Variants in THSD7B observed in about 807,000 individuals in gnomAD.
THSD7B encodes thrombospondin type-1 domain-containing protein 7B.
In THSD7B, 138 loss-of-function variants were observed where a neutral mutation model predicts 213.6. The ratio of observed to expected loss-of-function variants is 0.65; its 90% CI spans 0.56 to 0.74. The LOEUF (loss-of-function observed/expected upper bound fraction) is 0.74. Ranked by LOEUF, THSD7B falls within the 30% of genes least tolerant of loss-of-function variation. The pLI is 0.00. For missense variants in THSD7B, 1,931 were observed against 1,991.5 expected (o/e 0.97, Z 0.58); for synonymous variants, 742 against 687.0 (o/e 1.08, Z -1.25).
chr2:137,616,801 C>T (rs574237757), intron 18 of THSD7B, among the ~76,000 whole-genome samples: 4 of 152,274 alleles, frequency 2.6e-5, no homozygotes, highest in Non-Finnish European at 5.9e-5. Context: ...AGTTAAATCA[C>T]TCTAGCTGTT....
chr2:137,408,597 A>G (rs1686581182), intron 13 of THSD7B, among the ~76,000 whole-genome samples: 1 of 152,194 alleles, frequency 6.6e-6, no homozygotes, highest in African/African-American at 2.4e-5. Context: ...AATTACCACA[A>G]CATTGCTGGC....
intron 2 of THSD7B, among the ~76,000 whole-genome samples, chr2:137,055,531 C>A (rs1246724425): frequency 6.6e-6 from 1 of 152,182 alleles, no homozygotes; most frequent in East Asian, 1.9e-4. Flanking sequence ...ATAAGGCCTG[C>A]TGGTATGTCT....
At chr2:137,131,599 G>A (rs1688734008) in intron 5 of THSD7B, among the ~76,000 whole-genome samples, 1 of 152,080 alleles carries the variant, frequency 6.6e-6, no homozygotes, top group South Asian at 2.1e-4. Context: ...TCTACATATG[G>A]CTAGCCAGTT....
At chr2:137,521,518 C>A (rs1205373566) in intron 15 of THSD7B, among the ~76,000 whole-genome samples, 1 of 152,164 alleles carries the variant, frequency 6.6e-6, no homozygotes, top group Non-Finnish European at 1.5e-5. Context: ...TCTCATTGGA[C>A]CCTTTCTCTT....
chr2:137,237,767 T>C (rs1373271219), intron 9 of THSD7B, among the ~76,000 whole-genome samples: 1 of 152,220 alleles, frequency 6.6e-6, no homozygotes, highest in East Asian at 1.9e-4. Context: ...AATGTGACGA[T>C]GCATGAAAGG....
At chr2:137,003,419 A>G (rs1001398344) in intron 2 of THSD7B, among the ~76,000 whole-genome samples, 1 of 152,192 alleles carries the variant, frequency 6.6e-6, no homozygotes, top group Non-Finnish European at 1.5e-5. Context: ...AGGATTATGG[A>G]GATAAGAGGG....
intron 3 of THSD7B, among the ~76,000 whole-genome samples, chr2:137,080,381 T>G (rs375654084): frequency 0.085 from 12,560 of 147,378 alleles, 643 homozygotes; most frequent in East Asian, 0.17. Flanking sequence ...TTTTTTTTTT[T>G]TTTTTTTTTT....
intron 8 of THSD7B, among the ~76,000 whole-genome samples, chr2:137,232,143 C>G (rs16838412): frequency 0.016 from 2,416 of 152,130 alleles, 64 homozygotes; most frequent in African/African-American, 0.055. Flanking sequence ...CTGAATAAAC[C>G]ATTAAAGTGT....
At chr2:137,166,374 C>T (rs1680129283) in intron 6 of THSD7B, among the ~76,000 whole-genome samples, 1 of 152,102 alleles carries the variant, frequency 6.6e-6, no homozygotes, top group African/African-American at 2.4e-5. Context: ...AGATGTGATA[C>T]ATTTTAAAAT....
chr2:137,132,403 G>T (rs1688754046), intron 5 of THSD7B, among the ~76,000 whole-genome samples: 1 of 151,664 alleles, frequency 6.6e-6, no homozygotes, highest in Admixed American at 6.6e-5. Flanking sequence ...GTAAAGATTT[G>T]ATTTCGGGAA....
rs534226317 is a variant in THSD7B at position 137,314,299 on chromosome 2, C to T, written c.2500+38273C>T. ...TACCCTGTCTTCCAGTTGATCACAT[C>T]GGCTCCTGAGGCTTCTGCATTCTTC... On this transcript the variant is annotated intron_variant, in intron 12 of 27. Transcript: ENST00000409968. 1.1e-3 allele frequency among the ~76,000 whole-genome samples: 165 copies of T among 152,310 alleles called. 1 individual carries two copies. Among genetic ancestry groups the T allele is most frequent in the Admixed American group, 1.8e-3 (28 of 15,294 alleles).
intron 12 of THSD7B, among the ~76,000 whole-genome samples, chr2:137,378,636 T>C (rs1685712642): frequency 6.6e-6 from 1 of 152,212 alleles, no homozygotes; most frequent in Admixed American, 6.5e-5. Flanking sequence ...CTAACAGTTA[T>C]TCTTTCACCG....
chr2:137,549,025 C>T (rs1270226512), intron 15 of THSD7B, among the ~76,000 whole-genome samples: 1 of 151,976 alleles, frequency 6.6e-6, no homozygotes, highest in Non-Finnish European at 1.5e-5. Flanking sequence ...TTATATCAAG[C>T]CTTCTTCCAG....
intron 12 of THSD7B, among the ~76,000 whole-genome samples, chr2:137,360,654 G>A (rs1030779214): frequency 1.3e-5 from 2 of 152,204 alleles, no homozygotes; most frequent in Non-Finnish European, 2.9e-5. Context: ...CTGGCTAGGG[G>A]AGGGGCGTCT....
intron 1 of THSD7B, among the ~76,000 whole-genome samples, chr2:136,767,712 C>A (rs978061085): frequency 2.0e-5 from 3 of 152,142 alleles, no homozygotes; most frequent in Non-Finnish European, 4.4e-5. Context: ...TGAACACCTA[C>A]AAACCATTCA....
intron 7 of THSD7B, among the ~76,000 whole-genome samples, chr2:137,172,159 G>A (rs1335068009): frequency 1.3e-5 from 2 of 152,058 alleles, no homozygotes; most frequent in Non-Finnish European, 1.5e-5. Flanking sequence ...CTAAAACCCT[G>A]GTTATTTCCT....
chr2:137,129,284 C>CT (rs1688683330), intron 5 of THSD7B, among the ~76,000 whole-genome samples: 1 of 152,036 alleles, frequency 6.6e-6, no homozygotes, highest in Admixed American at 6.6e-5. Flanking sequence ...CTCTAGATTT[C>CT]TTTTTTCTCA....
rs1215185747 is a variant in THSD7B at position 137,590,792 on chromosome 2, G to GTTTTTTTTTTTTTTTTTTTTTTTTTTT, written c.3423+18257_3423+18258insTTTTTTTTTTTTTTTTTTTTTTTTTTT. Among the ~76,000 whole-genome samples the GTTTTTTTTTTTTTTTTTTTTTTTTTTT allele has an allele frequency of 9.0e-5, 8 of 88,716 alleles. 1 individual carries two copies. Among genetic ancestry groups the GTTTTTTTTTTTTTTTTTTTTTTTTTTT allele is most frequent in the Non-Finnish European group, 1.4e-4 (6 of 43,478 alleles). 58.2% of individuals were successfully genotyped at this position (88,716 alleles called of 152,430 possible). A position where few individuals can be genotyped will look rare whatever the true frequency, so the allele number is the denominator to read the frequency against. ...GCATTTTTCCCTCTGCTTTGAAATAGTTTTTTTTTTTTTTTTTTTTTAGCT... is the reference window on the plus strand; with the variant it reads ...GCATTTTTCCCTCTGCTTTGAAATAGTTTTTTTTTTTTTTTTTTTTTTTTTTTTTTTTTTTTTTTTTTTTTTTTAGCT... On this transcript the variant is annotated intron_variant, in intron 17 of 27. Transcript: ENST00000409968.
Position 137,352,160 on chromosome 2 carries a change from AAGG to A in THSD7B, c.2501-53434_2501-53432del, listed in dbSNP as rs375942528. On this transcript the variant is annotated intron_variant, in intron 12 of 27. Transcript: ENST00000409968. ...GAGAAGGGGGCAGGGGTGAGGGGAG[AAGG>A]AGGAGGAGGAGGAGGAGGGAAAAAG... 3.0e-3 allele frequency among the ~76,000 whole-genome samples: 452 copies of A among 150,964 alleles called. 2 individuals carry two copies. The highest frequency in any genetic ancestry group is 0.01 in the Middle Eastern group (3 of 292).
Sources: allele counts gnomAD v4.1 joint callset (sites outside exome capture counted in the v4.1 genomes callset), GRCh38; gene constraint gnomAD v4.1.1; transcripts MANE v1.5; gene names NCBI Gene and HGNC (gene_info 2026-07-23, HGNC 2026-07-21).